Variants in CGGBP1 observed in about 807,000 individuals in gnomAD.
CGGBP1 encodes CGG triplet repeat binding protein 1.
Under a neutral mutation model 11.4 loss-of-function variants are expected in CGGBP1, and 4 were observed. The observed-to-expected ratio is 0.35, with a 90% CI of 0.17 to 0.80. CGGBP1 has a LOEUF of 0.80. Among genes scored for constraint, CGGBP1 ranks in the 30% least tolerant of loss-of-function variants. The pLI is 0.52. For missense variants in CGGBP1, 135 were observed against 202.1 expected, an observed-to-expected ratio of 0.67 and a Z score of 2.01; for synonymous variants, 76 against 74.1, an observed-to-expected ratio of 1.03 and a Z score of -0.13.
intron 2 of CGGBP1, among the ~76,000 whole-genome samples, chr3:88,100,505 G>A (rs72923808): frequency 0.037 from 5,651 of 150,694 alleles, 367 homozygotes; most frequent in African/African-American, 0.13. Flanking sequence ...ATCATGCTGC[G>A]CACATGTATG....
At chr3:88,129,413 TTTC>T (rs1245154097) in intron 2 of CGGBP1, among the ~76,000 whole-genome samples, 2 of 151,810 alleles carry the variant, frequency 1.3e-5, no homozygotes, top group Non-Finnish European at 2.9e-5. Flanking sequence ...GTTTATTTTG[TTTC>T]TTAAGGTGAA....
At chr3:88,084,589 T>C (rs1484078887) in intron 2 of CGGBP1, among the ~76,000 whole-genome samples, 1 of 152,196 alleles carries the variant, frequency 6.6e-6, no homozygotes, top group East Asian at 1.9e-4. Context: ...CTTTTTTATC[T>C]GTATGTGTTC....
At chr3:88,122,267 C>A (rs904078682) in intron 2 of CGGBP1, among the ~76,000 whole-genome samples, 13 of 151,986 alleles carry the variant, frequency 8.6e-5, no homozygotes, top group African/African-American at 3.1e-4. Flanking sequence ...GTGGAAGAGA[C>A]CAGGCTGAAG....
At chr3:88,059,175 G>A, upstream of CGGBP1, 1 of 1,413,410 alleles carries the variant, frequency 7.1e-7, no homozygotes, top group Non-Finnish European at 9.2e-7. Flanking sequence ...GGGCGGAGCC[G>A]GAAGTAGAGC....
chr3:88,141,611 A>C (rs765739373), intron 1 of CGGBP1: 204 of 1,437,472 alleles, frequency 1.4e-4, no homozygotes, highest in Non-Finnish European at 1.6e-4. Flanking sequence ...AATGTCAATA[A>C]AACTTGCATT....
chr3:88,124,954 G>A (rs551252649), intron 2 of CGGBP1, among the ~76,000 whole-genome samples: 6 of 152,090 alleles, frequency 3.9e-5, no homozygotes, highest in African/African-American at 9.6e-5. Flanking sequence ...GGTGGCTCAC[G>A]CCTGTAATCC....
intron 2 of CGGBP1, among the ~76,000 whole-genome samples, chr3:88,088,757 TATGTATGGATGG>T (rs1429707578): frequency 3.8e-4 from 36 of 94,470 alleles, no homozygotes; most frequent in East Asian, 1.0e-3. Flanking sequence ...TGTATGTATG[TATGTATGGATGG>T]ATGGATGGAT....
chr3:88,084,436 G>A (rs189983316), intron 2 of CGGBP1, among the ~76,000 whole-genome samples: 7 of 152,296 alleles, frequency 4.6e-5, no homozygotes, highest in Non-Finnish European at 7.4e-5. Context: ...TTTAGAGCCA[G>A]GGAACCAGTG....
chr3:88,139,152 T>G (rs1458615164), intron 2 of CGGBP1: 1 of 1,319,380 alleles, frequency 7.6e-7, no homozygotes, highest in Non-Finnish European at 9.7e-7. Context: ...ACAGCAAGGT[T>G]TGGATGAAGG....
intron 2 of CGGBP1, among the ~76,000 whole-genome samples, chr3:88,115,549 T>C (rs1371749484): frequency 2.6e-5 from 4 of 152,194 alleles, no homozygotes; most frequent in Admixed American, 1.3e-4. Flanking sequence ...TGGATTTTTA[T>C]TTTTACAATA....
At chr3:88,132,526 C>G (rs1300491831) in intron 2 of CGGBP1, among the ~76,000 whole-genome samples, 1 of 152,156 alleles carries the variant, frequency 6.6e-6, no homozygotes, top group Non-Finnish European at 1.5e-5. Context: ...TCAGAATCCA[C>G]TGTACAACTA....
chr3:88,105,263 G>A (rs1032285675), intron 2 of CGGBP1, among the ~76,000 whole-genome samples: 1 of 142,160 alleles, frequency 7.0e-6, no homozygotes, highest in Non-Finnish European at 1.5e-5. Flanking sequence ...TAGATAAACA[G>A]ATACATACAT....
At chr3:88,080,846 C>G (rs761104360) in intron 2 of CGGBP1, among the ~76,000 whole-genome samples, 1 of 152,104 alleles carries the variant, frequency 6.6e-6, no homozygotes, top group South Asian at 2.1e-4. Flanking sequence ...TAAAACTGAA[C>G]TAATTTTAGA....
At chr3:88,103,100 A>G (rs1704529235) in intron 2 of CGGBP1, among the ~76,000 whole-genome samples, 1 of 152,132 alleles carries the variant, frequency 6.6e-6, no homozygotes, top group Non-Finnish European at 1.5e-5. Flanking sequence ...TTCATGCGTT[A>G]ATTCACTTAG....
chr3:88,117,085 C>G (rs1328856279), intron 2 of CGGBP1, among the ~76,000 whole-genome samples: 1 of 151,796 alleles, frequency 6.6e-6, no homozygotes, highest in East Asian at 1.9e-4. Flanking sequence ...AGGGACAACC[C>G]GAAAGAACAT....
At chr3:88,056,260 C>G (rs911198478) in intron 3 of CGGBP1, 4 of 289,564 alleles carry the variant, frequency 1.4e-5, no homozygotes, top group Non-Finnish European at 1.3e-5. Context: ...AGAAAGAACT[C>G]AAACTATCCC....
At chr3:88,058,465 G>T (rs1342325515) in intron 1 of CGGBP1, among the ~76,000 whole-genome samples, 1 of 152,188 alleles carries the variant, frequency 6.6e-6, no homozygotes, top group African/African-American at 2.4e-5. Flanking sequence ...CGGGGGCGGG[G>T]GAGAGGCGGG....
intron 2 of CGGBP1, among the ~76,000 whole-genome samples, chr3:88,132,370 TA>T (rs1440416947): frequency 6.6e-6 from 1 of 152,206 alleles, no homozygotes; most frequent in Admixed American, 6.6e-5. Context: ...AATGCGTTTG[TA>T]CACTGAATGA....
chr3:88,071,710 A>G (rs1293477033), intron 2 of CGGBP1, among the ~76,000 whole-genome samples: 1 of 152,130 alleles, frequency 6.6e-6, no homozygotes, highest in African/African-American at 2.4e-5. Context: ...AGGATGAGGC[A>G]AGAGAATCAC....
Sources: gnomAD v4.1 joint callset for allele counts (sites outside exome capture counted in the v4.1 genomes callset) on GRCh38, gnomAD v4.1.1 for gene constraint, MANE v1.5 for transcripts, NCBI Gene and HGNC (gene_info 2026-07-23, HGNC 2026-07-21) for gene names.